VARS1: variants seen among roughly 807,000 people sequenced by gnomAD.
The protein encoded by VARS1 is valine--tRNA ligase.
VARS1 carries 92 observed loss-of-function variants against 161.0 expected under a neutral mutation model. The observed-to-expected ratio is 0.57, with a 90% CI of 0.48 to 0.68. VARS1 has a LOEUF of 0.68. Among genes scored for constraint, VARS1 ranks in the 30% least tolerant of loss-of-function variants. VARS1 has a pLI of 0.00. For synonymous variants in VARS1, 595 were observed against 682.5 expected, an observed-to-expected ratio of 0.87 and a Z score of 2.00; for missense variants, 1,338 against 1,695.9, an observed-to-expected ratio of 0.79 and a Z score of 3.71.
rs772591633 is a variant in VARS1, at chr6:31,781,035, T to C, written c.2633A>G (p.Tyr878Cys). The change falls in exon 22 of 30, where the codon TAT (tyrosine) becomes TGT (cysteine). Residue 878 changes from tyrosine (Y) to cysteine (C), a missense_variant. Tyr to Cys is a radical substitution (Grantham distance 194, BLOSUM62 -2). Coordinates refer to ENST00000375663, the MANE Select transcript of VARS1 (RefSeq NM_006295.3). The surrounding 1 kb of genome is among the most constrained non-coding windows in gnomAD (Gnocchi z 6.8). ...GNVIDPLDVI[Y>C]GISLQGLHNQ... is the part of the protein sequence containing the mutation. ...CCAGCCCACCTGCAGGGAGATTCCA[T>C]AGATGACGTCCAGGGGATCGATGAC... is the stretch of plus-strand genomic sequence containing the variant. 11 of 1,613,946 alleles carry C rather than the reference T, an allele frequency of 6.8e-6. No homozygotes were observed. Among genetic ancestry groups the C allele is most frequent in the Non-Finnish European group, 9.3e-6 (11 of 1,180,032 alleles).
intron 8 of VARS1, among the ~76,000 whole-genome samples, chr6:31,790,367 C>T (rs1196870179): frequency 2.6e-5 from 4 of 151,796 alleles, no homozygotes; most frequent in Admixed American, 6.6e-5. Context: ...TTTGGGAGGC[C>T]GAGGCAGGCA....
chr6:31,784,699 C>T lies in VARS1; in HGVS notation c.1363G>A (p.Val455Met). Reference protein sequence around the residue: ...FTMDPKLSAAVTEAFVRLHEE... With the variant: ...FTMDPKLSAAMTEAFVRLHEE... ...TGAAGCCGGACAAAGGCCTCTGTCA[C>T]AGCTGCTGAGAGTTTCTGGGGTGGA... Residue 455 changes from valine to methionine, a missense_variant, in exon 11 of 30, where the codon GTG becomes ATG. Physicochemically the swap from Val to Met is conservative, Grantham distance 21 (BLOSUM62 1). Coordinates refer to ENST00000375663, the MANE Select transcript of VARS1 (RefSeq NM_006295.3). This position sits in a 1 kb window ranked among gnomAD's most constrained non-coding sequence, Gnocchi z 6.1. The T allele has an allele frequency of 6.2e-7, 1 of 1,613,016 alleles. No homozygotes were observed. Among genetic ancestry groups the T allele is most frequent in the Non-Finnish European group, 8.5e-7 (1 of 1,180,036 alleles).
Position 31,785,481 on chromosome 6 carries a change from T to G in VARS1, c.1265+88A>C. On this transcript the variant is annotated intron_variant, in intron 9 of 29. Transcript: ENST00000375663. The surrounding 1 kb of genome is among the most constrained non-coding windows in gnomAD (Gnocchi z 6.1). ...GCCTCTGTGGGAGGGTCTGACCCTGTGGCCAAGGGGTTACAGGTGACAGAG... is the reference window on the plus strand; with the variant it reads ...GCCTCTGTGGGAGGGTCTGACCCTGGGGCCAAGGGGTTACAGGTGACAGAG... The G allele has an allele frequency of 1.3e-6, 2 of 1,524,742 alleles. No individual in the cohort carries two copies. Among genetic ancestry groups the G allele is most frequent in the Non-Finnish European group, 1.8e-6 (2 of 1,132,302 alleles). The allele number at this position is 1,524,742 out of a possible 1,614,324, so 94.5% of individuals were successfully genotyped here.
rs1581645904 is a variant in VARS1 at position 31,785,252 on chromosome 6, C to T, written c.1341G>A (p.Met447Ile). ...SLDWDRACFT[M>I]DPKLSAAVTE... ...TGACACTCCTCCCACGCACAGGGTC[C>T]ATGGTGAAACAGGCTCGATCCCAGT... is the stretch of plus-strand genomic sequence containing the variant. The change falls in exon 10 of 30, where the codon ATG (methionine) becomes ATA (isoleucine). Residue 447 changes from methionine (M) to isoleucine (I), a missense_variant. Met to Ile is a conservative substitution (Grantham distance 10). Around this residue, in one of 3 missense-constraint regions of VARS1, gnomAD observed 902 missense variants for 1,090.3 expected, o/e 0.83. Transcript: ENST00000375663. This position sits in a 1 kb window ranked among gnomAD's most constrained non-coding sequence, Gnocchi z 6.1. 1.2e-6 allele frequency: 2 copies of T among 1,613,086 alleles called. No individual in the cohort carries two copies. The highest frequency in any genetic ancestry group is 1.7e-6 in the Non-Finnish European group (2 of 1,180,026).
At position 31,781,248 on chromosome 6, in the gene VARS1, G is replaced by A; in HGVS notation, c.2545-125C>T. The A allele has an allele frequency of 1.6e-6, 2 of 1,231,372 alleles. No individual in the cohort carries two copies. 76.3% of individuals were successfully genotyped at this position (1,231,372 alleles called of 1,614,324 possible). A position where few individuals can be genotyped will look rare whatever the true frequency, so the allele number is the denominator to read the frequency against. On this transcript the variant is annotated intron_variant, in intron 21 of 29. Coordinates refer to ENST00000375663, the MANE Select transcript of VARS1 (RefSeq NM_006295.3). The surrounding 1 kb of genome is among the most constrained non-coding windows in gnomAD (Gnocchi z 6.8). Reference sequence around the variant, plus strand: ...CAGGTCCCACTGAGTGTCCCCAAGAGCTCGTTGAGCGCCTTTATGTGAATC... The same window carrying A: ...CAGGTCCCACTGAGTGTCCCCAAGAACTCGTTGAGCGCCTTTATGTGAATC...
Position 31,781,140 on chromosome 6 carries a change from G to A in VARS1, c.2545-17C>T. ...GAGGTAGACCTGCAGAGCAGGTGGG[G>A]AGGCCCATGAGACTCAGTCCTCTCC... On this transcript the variant is annotated splice_polypyrimidine_tract_variant and intron_variant, in intron 21 of 29. Coordinates refer to ENST00000375663, the MANE Select transcript of VARS1 (RefSeq NM_006295.3). The surrounding 1 kb of genome is among the most constrained non-coding windows in gnomAD (Gnocchi z 6.8). The A allele has an allele frequency of 2.5e-6, 4 of 1,611,728 alleles. No individual in the cohort carries two copies. The highest frequency in any genetic ancestry group is 2.2e-5 in the East Asian group (1 of 44,870).
chr6:31,777,798 G>A lies in VARS1; in HGVS notation c.3727-136C>T, dbSNP rs1812837734. On this transcript the variant is annotated intron_variant, in intron 29 of 29. Transcript: ENST00000375663. The surrounding 1 kb of genome is among the most constrained non-coding windows in gnomAD (Gnocchi z 5.8). ...CTCAGAGGAGGCGTGAACCTGGCTGGCCTGGCTCCCCACCCATTCCCACCA... is the reference window on the plus strand; with the variant it reads ...CTCAGAGGAGGCGTGAACCTGGCTGACCTGGCTCCCCACCCATTCCCACCA... 9 of 986,112 alleles carry A rather than the reference G, an allele frequency of 9.1e-6. No homozygotes were observed. The highest frequency in any genetic ancestry group is 1.4e-5 in the Non-Finnish European group (9 of 654,950). The allele number at this position is 986,112 out of a possible 1,614,324, so 61.1% of individuals were successfully genotyped here. A position where few individuals can be genotyped will look rare whatever the true frequency, so the allele number is the denominator to read the frequency against.
chr6:31,781,259 G>T lies in VARS1; in HGVS notation c.2545-136C>A, dbSNP rs958442644. 9 of 1,183,536 alleles carry T rather than the reference G, an allele frequency of 7.6e-6. No individual in the cohort carries two copies. The highest frequency in any genetic ancestry group is 1.1e-5 in the Non-Finnish European group (9 of 837,024). 73.3% of individuals were successfully genotyped at this position (1,183,536 alleles called of 1,614,324 possible). A position where few individuals can be genotyped will look rare whatever the true frequency, so the allele number is the denominator to read the frequency against. On this transcript the variant is annotated intron_variant, in intron 21 of 29. Transcript: ENST00000375663. This position sits in a 1 kb window ranked among gnomAD's most constrained non-coding sequence, Gnocchi z 6.8. ...GAGTGTCCCCAAGAGCTCGTTGAGC[G>T]CCTTTATGTGAATCAGAAGCACTCC...
intron 4 of VARS1, 98 bp from the exon 5 acceptor site, chr6:31,792,614 T>C (rs2151434362): frequency 6.3e-7 from 1 of 1,597,854 alleles, no homozygotes; most frequent in Non-Finnish European, 8.5e-7. Flanking sequence ...CCCGAGGTCT[T>C]GCCCATGCTG....
Position 31,780,871 on chromosome 6 carries a change from T to C in VARS1, c.2717A>G (p.Gln906Arg). The change falls in exon 23 of 30, where the codon CAG becomes CGG. Residue 906 changes from glutamine to arginine, a missense_variant and splice_region_variant. Physicochemically the swap from Gln to Arg is conservative, Grantham distance 43. This residue lies in a region of VARS1 where 433 missense variants were observed against 586.2 expected (regional missense o/e 0.74). Coordinates refer to ENST00000375663, the MANE Select transcript of VARS1 (RefSeq NM_006295.3). This position sits in a 1 kb window ranked among gnomAD's most constrained non-coding sequence, Gnocchi z 5.1. ...TTAGCCCAGCCCAACCCTCCATACC[T>C]GCCCTTCTTTGGCCTTCTCCACCTC... ...PSEVEKAKEG[Q>R]KADFPAGIPE... 1 of 1,614,206 alleles carries C rather than the reference T, an allele frequency of 6.2e-7. No individual in the cohort carries two copies. The highest frequency in any genetic ancestry group is 8.5e-7 in the Non-Finnish European group (1 of 1,180,024).
chr6:31,787,803 C>A (rs549060885), intron 8 of VARS1, among the ~76,000 whole-genome samples: 1 of 151,608 alleles, frequency 6.6e-6, no homozygotes. Context: ...ATAGCGAGAC[C>A]CTCTCTTGAT....
chr6:31,788,661 T>C (rs983417640), intron 8 of VARS1, among the ~76,000 whole-genome samples: 7 of 150,380 alleles, frequency 4.7e-5, no homozygotes, highest in Non-Finnish European at 8.9e-5. Context: ...TACAAAAAAT[T>C]AGCCAGGCGT....
rs372618428 is a variant in VARS1 at position 31,784,232 on chromosome 6, G to A, written c.1653C>T (p.Pro551=). ...CCCCCACCTGGTATCTGGTATCTTT[G>A]GGGTGCACAGCTACAGCCACATCTC... ...MLGDVAVAVH[P]KDTRYQHLKG... The change falls in exon 13 of 30, where the codon CCC becomes CCT. Residue 551 remains proline (P), a synonymous_variant. Transcript: ENST00000375663. This position sits in a 1 kb window ranked among gnomAD's most constrained non-coding sequence, Gnocchi z 6.1. 2 of 1,614,004 alleles carry A rather than the reference G, an allele frequency of 1.2e-6. No individual in the cohort carries two copies. The highest frequency in any genetic ancestry group is 1.7e-6 in the Non-Finnish European group (2 of 1,180,046).
In VARS1 at chr6:31,784,582, T is replaced by C. The variant is rs1420651634; in HGVS notation, c.1467+13A>G. On this transcript the variant is annotated intron_variant, in intron 11 of 29. Coordinates refer to ENST00000375663, the MANE Select transcript of VARS1 (RefSeq NM_006295.3). The surrounding 1 kb of genome is among the most constrained non-coding windows in gnomAD (Gnocchi z 6.1). ...AGATTGGAGATGGAGACAGGCCAGG[T>C]TGGGGGGCGCACCTCAATGTCAGAG... is the stretch of plus-strand genomic sequence containing the variant. 2.5e-6 allele frequency: 4 copies of C among 1,613,104 alleles called. No homozygotes were observed. In the Admixed American group the frequency reaches 5.0e-5, roughly 20 times the overall value.
intron 2 of VARS1, among the ~76,000 whole-genome samples, chr6:31,794,093 C>CAAAAAAAAAAAA (rs33960246): frequency 1.4e-5 from 1 of 71,172 alleles, no homozygotes; most frequent in African/African-American, 4.7e-5. Flanking sequence ...GATTCTGTCT[C>CAAAAAAAAAAAA]AAAAAAAAAA....
rs1419339222 is a variant in VARS1 at position 31,779,569 on chromosome 6, G to A, written c.3289-33C>T. On this transcript the variant is annotated intron_variant, in intron 27 of 29. Coordinates refer to ENST00000375663, the MANE Select transcript of VARS1 (RefSeq NM_006295.3). The surrounding 1 kb of genome is among the most constrained non-coding windows in gnomAD (Gnocchi z 9.1). ...GTGGAGGAGGGGGTGAGGGGGCCTG[G>A]AGGGCAGGTCAGACTCCCCTCTCCA... 6.2e-7 allele frequency: 1 copy of A among 1,611,802 alleles called. No homozygotes were observed. The highest frequency in any genetic ancestry group is 8.5e-7 in the Non-Finnish European group (1 of 1,179,310).
rs1041050074 is a variant in VARS1 at position 31,785,134 on chromosome 6, T to C, written c.1347+112A>G. 6.2e-5 allele frequency: 82 copies of C among 1,314,620 alleles called. No homozygotes were observed. The highest frequency in any genetic ancestry group is 8.4e-5 in the Non-Finnish European group (78 of 930,468). 81.4% of individuals were successfully genotyped at this position (1,314,620 alleles called of 1,614,324 possible). A position where few individuals can be genotyped will look rare whatever the true frequency, so the allele number is the denominator to read the frequency against. On this transcript the variant is annotated intron_variant, in intron 10 of 29. Coordinates refer to ENST00000375663, the MANE Select transcript of VARS1 (RefSeq NM_006295.3). This position sits in a 1 kb window ranked among gnomAD's most constrained non-coding sequence, Gnocchi z 6.1. Reference sequence around the variant, plus strand: ...TGCAGCTGAGCCCTCCATGGTGTTTTACATGGGCCAGCTCCTGAGAGAGGG... The same window carrying C: ...TGCAGCTGAGCCCTCCATGGTGTTTCACATGGGCCAGCTCCTGAGAGAGGG...
intron 8 of VARS1, among the ~76,000 whole-genome samples, chr6:31,787,321 A>G (rs1308696515): frequency 2.0e-5 from 3 of 152,006 alleles, no homozygotes; most frequent in Non-Finnish European, 4.4e-5. Context: ...CGTTCACTGG[A>G]AAAAAAATGT....
In VARS1 at chr6:31,785,395, G is replaced by C; in HGVS notation, c.1266-68C>G. On this transcript the variant is annotated intron_variant, in intron 9 of 29. Transcript: ENST00000375663. The surrounding 1 kb of genome is among the most constrained non-coding windows in gnomAD (Gnocchi z 6.1). ...GAGGGAGACATCAGGTGGCTGACTG[G>C]GCAGTGTGGAGATCACCCATCCCCC... 6.3e-7 allele frequency: 1 copy of C among 1,596,122 alleles called. No individual in the cohort carries two copies. Among genetic ancestry groups the C allele is most frequent in the Non-Finnish European group, 8.6e-7 (1 of 1,167,808 alleles).
Sources: allele counts gnomAD v4.1 joint callset (sites outside exome capture counted in the v4.1 genomes callset), GRCh38; gene constraint gnomAD v4.1.1; regional missense constraint gnomAD v4.1.1; non-coding constraint Gnocchi (gnomAD v3.1); transcripts MANE v1.5; gene names NCBI Gene and HGNC (gene_info 2026-07-23, HGNC 2026-07-21).